SGCD: variants seen among roughly 807,000 people sequenced by gnomAD.
The protein encoded by SGCD is sarcoglycan delta.
A neutral mutation model predicts 36.6 loss-of-function variants in SGCD; 18 were observed. The ratio of observed to expected loss-of-function variants is 0.49; its 90% CI spans 0.34 to 0.73. The LOEUF is 0.73. Among genes scored for constraint, SGCD ranks in the 30% least tolerant of loss-of-function variants. The pLI is 0.01. For synonymous variants in SGCD, 133 were observed against 130.6 expected (o/e 1.02, Z -0.12); for missense variants, 387 against 346.7 (o/e 1.12, Z -0.92).
chr5:155,751,378 C>T, the SGCD span, among the ~76,000 whole-genome samples: 6 of 152,102 alleles, frequency 3.9e-5, no homozygotes, highest in East Asian at 5.8e-4. Flanking sequence ...TGATTGTGTG[C>T]GTTTGTGGCA....
At chr5:156,756,511 G>C (rs1757340119) in intron 7 of SGCD, among the ~76,000 whole-genome samples, 1 of 152,196 alleles carries the variant, frequency 6.6e-6, no homozygotes, top group Non-Finnish European at 1.5e-5. Context: ...CTGCACTCCA[G>C]CCTGAGCAAC....
chr5:156,369,708 C>A (rs185274037), intron 3 of SGCD, among the ~76,000 whole-genome samples: 1 of 152,178 alleles, frequency 6.6e-6, no homozygotes, highest in Admixed American at 6.5e-5. Flanking sequence ...AAATTTAGCT[C>A]TTCTGCTTTG....
intron 7 of SGCD, among the ~76,000 whole-genome samples, chr5:156,717,571 T>C (rs911680628): frequency 1.3e-5 from 2 of 152,198 alleles, no homozygotes; most frequent in African/African-American, 2.4e-5. Context: ...GCAGGGTTGG[T>C]GAATTCCTAG....
intron 3 of SGCD, among the ~76,000 whole-genome samples, chr5:156,246,422 AC>A (rs1266272595): frequency 1.3e-5 from 2 of 152,188 alleles, no homozygotes; most frequent in Admixed American, 6.5e-5. Flanking sequence ...TCAGTTAGGA[AC>A]AAAAGAATAA....
At chr5:155,731,314 A>T in the SGCD span, among the ~76,000 whole-genome samples, 1 of 151,672 alleles carries the variant, frequency 6.6e-6, no homozygotes, top group Admixed American at 6.6e-5. Context: ...GTGTGAGAAA[A>T]GAGAACAAAA....
intron 3 of SGCD, among the ~76,000 whole-genome samples, chr5:156,455,411 A>T (rs1754211722): frequency 6.6e-6 from 1 of 150,852 alleles, no homozygotes; most frequent in Non-Finnish European, 1.5e-5. Context: ...ACCTTTGCTG[A>T]GGGCTTCTTA....
chr5:156,155,912 T>C (rs1362963203), intron 3 of SGCD, among the ~76,000 whole-genome samples: 1 of 151,692 alleles, frequency 6.6e-6, no homozygotes, highest in Non-Finnish European at 1.5e-5. Flanking sequence ...ACCTCTGAGA[T>C]AAGAGGAAAC....
At chr5:156,031,897 C>G (rs1581052142) in intron 1 of SGCD, among the ~76,000 whole-genome samples, 1 of 152,224 alleles carries the variant, frequency 6.6e-6, no homozygotes, top group South Asian at 2.1e-4. Flanking sequence ...TACTGAAGAG[C>G]TAGGTGCTTA....
chr5:156,749,272 T>C (rs1757061929), intron 7 of SGCD, among the ~76,000 whole-genome samples: 2 of 152,178 alleles, frequency 1.3e-5, no homozygotes, highest in African/African-American at 4.8e-5. Flanking sequence ...TATTTACACC[T>C]ATATTATAAA....
intron 1 of SGCD, among the ~76,000 whole-genome samples, chr5:155,922,809 A>G (rs1362511840): frequency 2.0e-5 from 3 of 152,162 alleles, no homozygotes; most frequent in African/African-American, 7.2e-5. Context: ...GAAAAGTTGT[A>G]GAGAAAGAGG....
intron 7 of SGCD, among the ~76,000 whole-genome samples, chr5:156,673,378 A>G (rs1753381815): frequency 6.6e-6 from 1 of 152,316 alleles, no homozygotes; most frequent in Non-Finnish European, 1.5e-5. Flanking sequence ...GTCACGCTTC[A>G]GCAGAACTGT....
chr5:156,078,287 G>A (rs1299469876), intron 1 of SGCD, among the ~76,000 whole-genome samples: 1 of 151,730 alleles, frequency 6.6e-6, no homozygotes, highest in Non-Finnish European at 1.5e-5. Context: ...GCCAAGGTGG[G>A]TGGATCACCT....
chr5:156,655,487 T>C (rs747121544), intron 7 of SGCD, among the ~76,000 whole-genome samples: 14 of 152,164 alleles, frequency 9.2e-5, no homozygotes, highest in Non-Finnish European at 1.3e-4. Flanking sequence ...TTTACTGTAT[T>C]TGCAGTCTTT....
chr5:155,844,757 T>G, the SGCD span, among the ~76,000 whole-genome samples: 3 of 152,210 alleles, frequency 2.0e-5, no homozygotes, highest in African/African-American at 7.2e-5. Context: ...TAAGGTCACA[T>G]GCTTAGTTAA....
At chr5:156,103,317 T>C (rs1761565789) in intron 1 of SGCD, among the ~76,000 whole-genome samples, 1 of 151,058 alleles carries the variant, frequency 6.6e-6, no homozygotes, top group Admixed American at 6.6e-5. Context: ...CTAATGCTAT[T>C]CTACTGTGGA....
At chr5:156,310,408 C>T (rs1242605707) in intron 3 of SGCD, among the ~76,000 whole-genome samples, 1 of 152,102 alleles carries the variant, frequency 6.6e-6, no homozygotes, top group African/African-American at 2.4e-5. Context: ...AAGACAGGCT[C>T]CTTTTTGCCG....
intron 1 of SGCD, among the ~76,000 whole-genome samples, chr5:155,918,788 G>A (rs181741): frequency 6.6e-6 from 1 of 152,110 alleles, no homozygotes; most frequent in East Asian, 1.9e-4. Context: ...CTCAGACTTG[G>A]CTTCTATGCA....
At chr5:156,174,344 G>A (rs1186793410) in intron 3 of SGCD, among the ~76,000 whole-genome samples, 1 of 152,144 alleles carries the variant, frequency 6.6e-6, no homozygotes, top group Non-Finnish European at 1.5e-5. Context: ...TAAGGAAATG[G>A]CTTTCCAGTG....
intron 1 of SGCD, among the ~76,000 whole-genome samples, chr5:156,018,108 C>G (rs1049777808): frequency 6.6e-6 from 1 of 152,126 alleles, no homozygotes; most frequent in African/African-American, 2.4e-5. Context: ...TGCAGTGAAC[C>G]ATAATTGCAC....
Sources: allele counts gnomAD v4.1 joint callset (sites outside exome capture counted in the v4.1 genomes callset), GRCh38; gene constraint gnomAD v4.1.1; transcripts MANE v1.5; gene names NCBI Gene and HGNC (gene_info 2026-07-23, HGNC 2026-07-21).